The following REC8 variants were observed in gnomAD, a reference collection of about 807,000 sequenced individuals.
The protein encoded by REC8 is meiotic recombination protein REC8 homolog.
Under a neutral mutation model 78.3 loss-of-function variants are expected in REC8, and 42 were observed. The observed-to-expected ratio is 0.54, with a 90% confidence interval of 0.42 to 0.69. The LOEUF is 0.69. Ranked by LOEUF, REC8 falls within the 30% of genes least tolerant of loss-of-function variation. REC8 has a pLI of 0.00. For synonymous variants in REC8, 268 were observed against 274.1 expected, an observed-to-expected ratio of 0.98 and a Z score of 0.22; for missense variants, 581 against 715.8, an observed-to-expected ratio of 0.81 and a Z score of 2.15.
downstream of REC8, chr14:24,180,731 G>A (rs140141733): frequency 1.1e-5 from 18 of 1,613,940 alleles, no homozygotes; most frequent in African/African-American, 5.3e-5. Flanking sequence ...CTGCAGATAC[G>A]CAGAAGCTCG....
chr14:24,177,224 T>A lies in REC8; in HGVS notation c.706+2T>A. 5.0e-6 allele frequency: 8 copies of A among 1,613,994 alleles called. No individual in the cohort carries two copies. The highest frequency in any genetic ancestry group is 6.8e-6 in the Non-Finnish European group (8 of 1,179,918). On this transcript the variant is annotated splice_donor_variant, in intron 8 of 18. Coordinates refer to ENST00000611366, the MANE Select transcript of REC8 (RefSeq NM_001048205.2). LOFTEE classifies it high-confidence loss of function. ...AAGAAGAAGCTATCTTGTTAGAAAGTAGGTGTCTCCGGCAGCGTAGGGCCC... is the reference window on the plus strand; with the variant it reads ...AAGAAGAAGCTATCTTGTTAGAAAGAAGGTGTCTCCGGCAGCGTAGGGCCC...
At chr14:24,175,695 T>C in intron 6 of REC8, 71 bp downstream of exon 6, 2 of 1,261,990 alleles carry the variant, frequency 1.6e-6, no homozygotes, top group Non-Finnish European at 2.3e-6. Flanking sequence ...TGACCATTTT[T>C]GAGCTTAAGA....
intron 5 of REC8, among the ~76,000 whole-genome samples, chr14:24,173,932 C>G (rs933850718): frequency 6.6e-6 from 1 of 152,122 alleles, no homozygotes; most frequent in African/African-American, 2.4e-5. Flanking sequence ...GTGGCACGAT[C>G]TCAGCTTACT....
In REC8 at chr14:24,180,056, T is replaced by C. The variant is rs1456617005; in HGVS notation, c.1605T>C (p.Tyr535=). 2.5e-6 allele frequency: 4 copies of C among 1,614,180 alleles called. No individual in the cohort carries two copies. The highest frequency in any genetic ancestry group is 2.5e-6 in the Non-Finnish European group (3 of 1,180,040). The change falls in exon 19 of 19, where the codon TAT becomes TAC. Residue 535 remains tyrosine, a synonymous_variant. Coordinates refer to ENST00000611366, the MANE Select transcript of REC8 (RefSeq NM_001048205.2). ...TTCACGTGAAACAAGAAAAGCCATA[T>C]GGTCGCCTCCTGATCCAGCCGGGGC... ...QILHVKQEKP[Y]GRLLIQPGPR... is the part of the protein sequence containing the mutation.
intron 3 of REC8, 29 bp from the exon 4 acceptor site, chr14:24,173,097 G>C (rs748004158): frequency 1.2e-6 from 2 of 1,613,090 alleles, no homozygotes; most frequent in Non-Finnish European, 1.7e-6. Context: ...TGCTAAGCTG[G>C]CTGTCTACCT....
At chr14:24,173,934 C>A (rs953541326) in intron 5 of REC8, among the ~76,000 whole-genome samples, 2 of 149,966 alleles carry the variant, frequency 1.3e-5, no homozygotes, top group African/African-American at 4.9e-5. Flanking sequence ...GGCACGATCT[C>A]AGCTTACTGC....
intron 4 of REC8, 44 bp downstream of exon 4, chr14:24,173,242 C>T (rs368888997): frequency 1.5e-4 from 247 of 1,613,978 alleles, no homozygotes; most frequent in Admixed American, 1.3e-3. Flanking sequence ...GCTAGCTTGG[C>T]CTCAGCCTGG....
chr14:24,176,690 A>T (rs921560834), intron 6 of REC8, 132 bp from the exon 7 acceptor site: 2 of 698,508 alleles, frequency 2.9e-6, no homozygotes, highest in East Asian at 2.7e-5. Flanking sequence ...CAGGGTCAGG[A>T]TGCCAGAGAT....
chr14:24,179,044 C>T (rs546709083), intron 14 of REC8, 41 bp from the exon 15 acceptor site: 1 of 1,605,952 alleles, frequency 6.2e-7, no homozygotes, highest in Non-Finnish European at 8.5e-7. Context: ...GGCCCAAGTC[C>T]CAGATGCTTG....
At position 24,177,471 on chromosome 14, in the gene REC8, A is replaced by G; in HGVS notation, c.744A>G (p.Glu248=). The G allele has an allele frequency of 6.2e-7, 1 of 1,614,122 alleles. No homozygotes were observed. Among genetic ancestry groups the G allele is most frequent in the African/African-American group, 1.3e-5 (1 of 75,044 alleles). The change falls in exon 10 of 19, where the codon GAA becomes GAG. Residue 248 remains glutamate, a synonymous_variant. Transcript: ENST00000611366. The part of the protein sequence containing the change: ...RLPPPAPAEV[E]GIGEALGPEE... The stretch of plus-strand genomic sequence containing the variant: ...CTTGCCCATTTCCCCTCAGGGTGGA[A>G]GGAATAGGAGAGGCACTGGGTCCTG...
At chr14:24,175,350 G>C (rs1461865448) in intron 5 of REC8, 193 bp from the exon 6 acceptor site, 5 of 539,756 alleles carry the variant, frequency 9.3e-6, no homozygotes, top group Non-Finnish European at 1.3e-5. Flanking sequence ...GGTGCGGGTT[G>C]GGGAGGGAGG....
rs1453944590 is a variant in REC8, at chr14:24,177,173, A to G, written c.657A>G (p.Arg219=). 6.2e-7 allele frequency: 1 copy of G among 1,613,940 alleles called. No homozygotes were observed. Among genetic ancestry groups the G allele is most frequent in the African/African-American group, 1.3e-5 (1 of 74,858 alleles). ...GGGAGCTCCCAGAGGTCAGCCGCCG[A>G]GAACTGGACCTGCTGATCGCAGAGG... ...GERELPEVSR[R]ELDLLIAEEE... The change falls in exon 8 of 19, where the codon CGA becomes CGG. Residue 219 remains arginine (R), a synonymous_variant. Coordinates refer to ENST00000611366, the MANE Select transcript of REC8 (RefSeq NM_001048205.2).
chr14:24,177,234 C>A lies in REC8; in HGVS notation c.706+12C>A, dbSNP rs375378636. The A allele has an allele frequency of 1.4e-5, 22 of 1,613,658 alleles. No homozygotes were observed. In the Admixed American group the frequency reaches 3.5e-4, roughly 26 times the overall value. ...TATCTTGTTAGAAAGTAGGTGTCTC[C>A]GGCAGCGTAGGGCCCGCCTGGAGCT... is the stretch of plus-strand genomic sequence containing the variant. On this transcript the variant is annotated intron_variant, in intron 8 of 18. Transcript: ENST00000611366.
intron 8 of REC8, 60 bp downstream of exon 8, chr14:24,177,282 G>A: frequency 6.2e-7 from 1 of 1,613,030 alleles, no homozygotes; most frequent in Non-Finnish European, 8.5e-7. Context: ...CCCTGGCGTG[G>A]GCATTCTGGG....
intron 4 of REC8, 25 bp downstream of exon 4, chr14:24,173,223 GGAACA>G: frequency 6.2e-7 from 1 of 1,614,124 alleles, no homozygotes; most frequent in Non-Finnish European, 8.5e-7. Flanking sequence ...GGCCTTTGAT[GGAACA>G]CCTGCTAGCT....
chr14:24,178,980 C>A, intron 14 of REC8, 64 bp downstream of exon 14: 1 of 1,601,984 alleles, frequency 6.2e-7, no homozygotes. Context: ...AGCTGGCTGC[C>A]CTCTCCTGCT....
In REC8 at chr14:24,176,353, G is replaced by T. The variant is rs117603820; in HGVS notation, c.545-469G>T. Among the ~76,000 whole-genome samples, 373 of 136,168 alleles carry T rather than the reference G, an allele frequency of 2.7e-3. 6 individuals carry two copies. The highest frequency in any genetic ancestry group is 0.026 in the East Asian group (121 of 4,716). The allele number at this position is 136,168 out of a possible 152,430, so 89.3% of individuals were successfully genotyped here. A position where few individuals can be genotyped will look rare whatever the true frequency, so the allele number is the denominator to read the frequency against. ...ATTACAGGCGTGAGCCACCATACTCGGCTTTTTTTTTTTTTTTTTCTTTTT... is the reference window on the plus strand; with the variant it reads ...ATTACAGGCGTGAGCCACCATACTCTGCTTTTTTTTTTTTTTTTTCTTTTT... On this transcript the variant is annotated intron_variant, in intron 6 of 18. Coordinates refer to ENST00000611366, the MANE Select transcript of REC8 (RefSeq NM_001048205.2).
chr14:24,175,974 A>G (rs2038879773), intron 6 of REC8, among the ~76,000 whole-genome samples: 1 of 151,134 alleles, frequency 6.6e-6, no homozygotes, highest in Non-Finnish European at 1.5e-5. Context: ...AAGTGCTAGG[A>G]TTACAGGTGT....
chr14:24,179,134 G>A lies in REC8; in HGVS notation c.1252+1G>A, dbSNP rs1468533907. The A allele has an allele frequency of 6.4e-7, 1 of 1,571,388 alleles. No individual in the cohort carries two copies. Among genetic ancestry groups the A allele is most frequent in the Non-Finnish European group, 8.6e-7 (1 of 1,157,770 alleles). ...AGTGTTCCCCTTATGGTGTCTTTAG[G>A]TAAGCACCTAGAGAAGAGGCGCAGT... is the stretch of plus-strand genomic sequence containing the variant. On this transcript the variant is annotated splice_donor_variant, in intron 15 of 18. Transcript: ENST00000611366. LOFTEE classifies it high-confidence loss of function.
Sources: gnomAD v4.1 joint callset for allele counts (sites outside exome capture counted in the v4.1 genomes callset) on GRCh38, gnomAD v4.1.1 for gene constraint, MANE v1.5 for transcripts, NCBI Gene and HGNC (gene_info 2026-07-23, HGNC 2026-07-21) for gene names.